SLC14A2: variants seen among roughly 807,000 people sequenced by gnomAD.
SLC14A2 encodes the protein urea transporter 2.
A neutral mutation model predicts 104.6 loss-of-function variants in SLC14A2; 91 were observed. The ratio of observed to expected loss-of-function variants is 0.87; its 90% CI spans 0.73 to 1.04. The LOEUF (loss-of-function observed/expected upper bound fraction) is 1.04. SLC14A2 is among the 50% of genes least tolerant of loss of function. The probability of loss-of-function intolerance (pLI) is 0.00; values close to 1 mark genes in which losing one functional copy is unlikely to be tolerated. For synonymous variants in SLC14A2, 476 were observed against 466.4 expected, an observed-to-expected ratio of 1.02 and a Z score of -0.27; for missense variants, 1,189 against 1,156.0, an observed-to-expected ratio of 1.03 and a Z score of -0.41.
At position 45,489,509 on chromosome 18, in the gene SLC14A2, TCAAAAA is replaced by T. The variant is rs557259208; in HGVS notation, c.-35+6202_-35+6207del. On this transcript the variant is annotated intron_variant, in intron 2 of 20. Coordinates refer to the SLC14A2 transcript ENST00000586448. ...CTGGTCAACAGAGCAAGACTCTGTCTCAAAAACAAAAACAAAAACACAATACTACTT... is the reference window on the plus strand; with the variant it reads ...CTGGTCAACAGAGCAAGACTCTGTCTCAAAAACAAAAACACAATACTACTT... 6.2e-4 allele frequency among the ~76,000 whole-genome samples: 95 copies of T among 152,232 alleles called. 1 individual carries two copies. Among genetic ancestry groups the T allele is most frequent in the African/African-American group, 2.0e-3 (85 of 41,540 alleles).
Position 45,626,979 on chromosome 18 carries a change from T to C in SLC14A2, c.353T>C (p.Phe118Ser). Reference sequence around the variant, plus strand: ...TCAGACAAGCACCTTGCCCTCCAGTTCATAGACTGGGTCCTGAGAGGGACC... The same window carrying C: ...TCAGACAAGCACCTTGCCCTCCAGTCCATAGACTGGGTCCTGAGAGGGACC... ...WLKDKHLALQ[F>S]IDWVLRGTAQ... Residue 118 changes from phenylalanine (F) to serine (S), a missense_variant, in exon 4 of 20, where the codon TTC (phenylalanine) becomes TCC (serine). Transcript: ENST00000255226. The C allele has an allele frequency of 6.2e-7, 1 of 1,612,138 alleles. No individual in the cohort carries two copies.
At chr18:45,387,743 A>G (rs1292948690) in intron 1 of SLC14A2, among the ~76,000 whole-genome samples, 1 of 152,198 alleles carries the variant, frequency 6.6e-6, no homozygotes, top group Non-Finnish European at 1.5e-5. Flanking sequence ...AGAAAGTTGT[A>G]TGAGCTATTA....
rs539116737 is a variant in SLC14A2 at position 45,223,496 on chromosome 18, G to C, written c.-125+10305G>C. Among the ~76,000 whole-genome samples the C allele has an allele frequency of 3.9e-5, 6 of 152,254 alleles. No homozygotes were observed. The East Asian group carries it at 1.2e-3, about 29-fold the overall frequency. ...AAAACCAAACACAGTCAGAAATCCT[G>C]GTCTCTACTAATGGATAGTCAGAGA... On this transcript the variant is annotated intron_variant, in intron 1 of 20. Coordinates refer to the SLC14A2 transcript ENST00000586448.
intron 1 of SLC14A2, among the ~76,000 whole-genome samples, chr18:45,319,776 A>T (rs2085166696): frequency 6.6e-6 from 1 of 152,166 alleles, no homozygotes; most frequent in African/African-American, 2.4e-5. Flanking sequence ...TGCTCACCTC[A>T]CATCACTGTG....
At chr18:45,281,734 C>A (rs1301349227) in intron 1 of SLC14A2, among the ~76,000 whole-genome samples, 1 of 152,174 alleles carries the variant, frequency 6.6e-6, no homozygotes, top group Non-Finnish European at 1.5e-5. Context: ...GTGAAGTCAT[C>A]CTGCCTGGGT....
At chr18:45,639,013 C>A (rs12454490) in intron 6 of SLC14A2, among the ~76,000 whole-genome samples, 123,110 of 152,194 alleles carry the variant, frequency 0.81, 51,054 homozygotes, top group Middle Eastern at 0.94. Flanking sequence ...CAAACAAATT[C>A]TCCCCAATTC....
At chr18:45,501,183 C>T (rs2043192335) in intron 2 of SLC14A2, among the ~76,000 whole-genome samples, 1 of 152,150 alleles carries the variant, frequency 6.6e-6, no homozygotes, top group Non-Finnish European at 1.5e-5. Flanking sequence ...GAATAATGAA[C>T]AGAGAAGCCT....
intron 2 of SLC14A2, among the ~76,000 whole-genome samples, chr18:45,587,456 A>C (rs4890552): frequency 0.29 from 44,699 of 152,000 alleles, 6,787 homozygotes; most frequent in Middle Eastern, 0.37. Flanking sequence ...CCCTTCGATT[A>C]TGTCCTCTTG....
intron 1 of SLC14A2, among the ~76,000 whole-genome samples, chr18:45,414,776 A>ATATATATATATT (rs2086257474): frequency 8.2e-6 from 1 of 122,530 alleles, no homozygotes; most frequent in African/African-American, 3.4e-5. Context: ...ATATATATAT[A>ATATATATATATT]TATATATATA....
chr18:45,532,369 G>T (rs1229140846), intron 2 of SLC14A2, among the ~76,000 whole-genome samples: 3 of 152,102 alleles, frequency 2.0e-5, no homozygotes, highest in South Asian at 2.1e-4. Flanking sequence ...TATCCTCTTT[G>T]ATTTCATTGA....
intron 1 of SLC14A2, among the ~76,000 whole-genome samples, chr18:45,305,708 T>C (rs1206300880): frequency 1.3e-5 from 2 of 152,214 alleles, no homozygotes; most frequent in African/African-American, 2.4e-5. Context: ...TGGTTTTTTT[T>C]TCCCCTGCCA....
intron 1 of SLC14A2, among the ~76,000 whole-genome samples, chr18:45,288,833 A>T (rs2084841396): frequency 6.6e-6 from 1 of 152,174 alleles, no homozygotes; most frequent in Admixed American, 6.5e-5. Context: ...CCAGGAAGGT[A>T]TATGGAGACA....
chr18:45,597,783 C>T (rs2044735193), intron 2 of SLC14A2, among the ~76,000 whole-genome samples: 1 of 152,194 alleles, frequency 6.6e-6, no homozygotes, highest in Non-Finnish European at 1.5e-5. Flanking sequence ...GCAGCCTATT[C>T]ACCTAATCCA....
Position 45,627,162 on chromosome 18 carries a change from A to T in SLC14A2, c.521+15A>T. The T allele has an allele frequency of 6.2e-7, 1 of 1,609,722 alleles. No homozygotes were observed. The highest frequency in any genetic ancestry group is 1.1e-5 in the South Asian group (1 of 90,892). On this transcript the variant is annotated intron_variant, in intron 4 of 19. Transcript: ENST00000255226. ...GGCCAAGACAGGTGGGTCCCTCTCT[A>T]TAGGGATTTTAGCAAGATGTGTGGA...
chr18:45,329,288 G>A (rs917495336), intron 1 of SLC14A2, among the ~76,000 whole-genome samples: 1 of 152,224 alleles, frequency 6.6e-6, no homozygotes, highest in Non-Finnish European at 1.5e-5. Context: ...CTTGCAAGAC[G>A]GTGAGGCAAG....
chr18:45,283,313 C>T (rs916580387), intron 1 of SLC14A2, among the ~76,000 whole-genome samples: 1 of 142,528 alleles, frequency 7.0e-6, no homozygotes, highest in African/African-American at 2.8e-5. Context: ...GCTGCAGTCA[C>T]TAGCACAGCT....
intron 1 of SLC14A2, among the ~76,000 whole-genome samples, chr18:45,293,006 A>G (rs2084885004): frequency 6.6e-6 from 1 of 152,102 alleles, no homozygotes; most frequent in Admixed American, 6.5e-5. Flanking sequence ...CCCCCGCAAA[A>G]AAAAAGTGAC....
chr18:45,337,221 T>G (rs1213372104), intron 1 of SLC14A2, among the ~76,000 whole-genome samples: 1 of 152,090 alleles, frequency 6.6e-6, no homozygotes. Flanking sequence ...GGAGGGTCAA[T>G]TTGGTAGAGG....
chr18:45,211,371 C>T (rs997018207), upstream of SLC14A2, among the ~76,000 whole-genome samples: 2 of 152,160 alleles, frequency 1.3e-5, no homozygotes, highest in Non-Finnish European at 1.5e-5. Context: ...TTAGACCAAA[C>T]AGAAAACTGC....
Sources: allele counts gnomAD v4.1 joint callset (sites outside exome capture counted in the v4.1 genomes callset), GRCh38; gene constraint gnomAD v4.1.1; transcripts MANE v1.5; gene names NCBI Gene and HGNC (gene_info 2026-07-23, HGNC 2026-07-21).